Variants in GALNT2 observed in about 807,000 individuals in gnomAD.
The protein encoded by GALNT2 is UDP-GalNAc:polypeptide N-acetylgalactosaminyltransferase 2.
Under a neutral mutation model 81.4 loss-of-function variants are expected in GALNT2, and 31 were observed. That is an observed-to-expected ratio of 0.38 (90% CI 0.29 to 0.51). GALNT2 has a LOEUF of 0.51. GALNT2 is among the 20% of genes least tolerant of loss of function. The pLI is 0.87. For synonymous variants in GALNT2, 303 were observed against 287.4 expected, an observed-to-expected ratio of 1.05 and a Z score of -0.55; for missense variants, 629 against 765.7, an observed-to-expected ratio of 0.82 and a Z score of 2.11.
At chr1:230,223,217 G>T (rs1664604684) in intron 3 of GALNT2, among the ~76,000 whole-genome samples, 1 of 147,566 alleles carries the variant, frequency 6.8e-6, no homozygotes, top group Non-Finnish European at 1.5e-5. Context: ...AATAGAGATG[G>T]GCTCTCACTG....
At chr1:230,064,529 T>G (rs200575115), upstream of GALNT2, among the ~76,000 whole-genome samples, 4 of 152,252 alleles carry the variant, frequency 2.6e-5, no homozygotes, top group East Asian at 3.9e-4. Flanking sequence ...TGGTACTTTT[T>G]TGTGTGTGTG....
intron 1 of GALNT2, among the ~76,000 whole-genome samples, chr1:230,130,095 G>A (rs187295961): frequency 6.6e-6 from 1 of 152,342 alleles, no homozygotes. Flanking sequence ...GAAGCTTTGA[G>A]TGAGCTGATG....
intron 3 of GALNT2, among the ~76,000 whole-genome samples, chr1:230,231,431 A>G (rs930743214): frequency 6.6e-6 from 1 of 152,188 alleles, no homozygotes; most frequent in Non-Finnish European, 1.5e-5. Flanking sequence ...CCCAGGGTAG[A>G]GAAGGAAACC....
At chr1:230,064,340 A>G (rs1659115279), upstream of GALNT2, among the ~76,000 whole-genome samples, 1 of 152,202 alleles carries the variant, frequency 6.6e-6, no homozygotes, top group Non-Finnish European at 1.5e-5. Flanking sequence ...AATATACAAA[A>G]TGCTCTCCAT....
rs1264024753 is a variant in GALNT2 at position 230,193,972 on chromosome 1, C to T, written c.221-9165C>T. ...CATGGACCGTTACAGTCGCCAGCCA[C>T]TCTCTGCTCAAGGGACACTGTCCTG... On this transcript the variant is annotated intron_variant, in intron 2 of 15. Transcript: ENST00000366672. The surrounding 1 kb of genome is among the most constrained non-coding windows in gnomAD (Gnocchi z 4.3). 6.6e-6 allele frequency among the ~76,000 whole-genome samples: 1 copy of T among 152,220 alleles called. No homozygotes were observed. Among genetic ancestry groups the T allele is most frequent in the Non-Finnish European group, 1.5e-5 (1 of 68,032 alleles).
chr1:230,086,876 C>G (rs540171878), intron 1 of GALNT2, among the ~76,000 whole-genome samples: 5 of 152,312 alleles, frequency 3.3e-5, no homozygotes, highest in African/African-American at 1.2e-4. Flanking sequence ...GCTCAGGTGT[C>G]AGCCCTGCCA....
At chr1:230,133,224 A>G (rs1407189468) in intron 1 of GALNT2, among the ~76,000 whole-genome samples, 2 of 152,262 alleles carry the variant, frequency 1.3e-5, no homozygotes, top group South Asian at 2.1e-4. Flanking sequence ...ATTCTTTACT[A>G]TGTCCTTGGA....
chr1:230,165,798 C>T (rs150650714), intron 1 of GALNT2, among the ~76,000 whole-genome samples: 12 of 152,366 alleles, frequency 7.9e-5, no homozygotes, highest in South Asian at 6.2e-4. Context: ...GGGAGGCCCT[C>T]GGAGTAGCCA....
rs1665741036 is a variant in GALNT2 at position 230,257,230 on chromosome 1, C to T, written c.1136+1886C>T. 6.6e-6 allele frequency among the ~76,000 whole-genome samples: 1 copy of T among 152,178 alleles called. No homozygotes were observed. Among genetic ancestry groups the T allele is most frequent in the Admixed American group, 6.5e-5 (1 of 15,282 alleles). ...TGTCTGTTTTATGCTTTGGAAAGGT[C>T]CGTATGGTTGCTGGGCAGAGGGTGG... On this transcript the variant is annotated intron_variant, in intron 11 of 15. Coordinates refer to ENST00000366672, the MANE Select transcript of GALNT2 (RefSeq NM_004481.5). The surrounding 1 kb of genome is among the most constrained non-coding windows in gnomAD (Gnocchi z 4.6).
At position 230,257,165 on chromosome 1, in the gene GALNT2, A is replaced by AT. The variant is rs1341518337; in HGVS notation, c.1136+1823dup. On this transcript the variant is annotated intron_variant, in intron 11 of 15. Transcript: ENST00000366672. The surrounding 1 kb of genome is among the most constrained non-coding windows in gnomAD (Gnocchi z 4.6). ...CATGGGAAACGTTGGATGTTATTTG[A>AT]TTCTGAAGGAAAACACTGGGGCTTT... is the stretch of plus-strand genomic sequence containing the variant. Among the ~76,000 whole-genome samples, 1 of 152,238 alleles carries AT rather than the reference A, an allele frequency of 6.6e-6. No individual in the cohort carries two copies. The highest frequency in any genetic ancestry group is 1.5e-5 in the Non-Finnish European group (1 of 68,042).
intron 1 of GALNT2, among the ~76,000 whole-genome samples, chr1:230,142,125 C>G (rs1404467333): frequency 2.0e-5 from 3 of 151,978 alleles, no homozygotes; most frequent in Non-Finnish European, 4.4e-5. Context: ...TAATAAAAGG[C>G]TGGGCTGCAT....
At chr1:230,062,152 T>A (rs1659064728) in intron 1 of GALNT2, among the ~76,000 whole-genome samples, 1 of 152,222 alleles carries the variant, frequency 6.6e-6, no homozygotes. Context: ...ACAACTCTAT[T>A]AAGAGCAAAG....
At chr1:230,261,715 C>T (rs1665880870) in intron 11 of GALNT2, among the ~76,000 whole-genome samples, 2 of 152,164 alleles carry the variant, frequency 1.3e-5, no homozygotes. Context: ...GTTTTCTTTC[C>T]TTCTAGAAAA....
At chr1:230,118,525 CTT>C (rs1571982529) in intron 1 of GALNT2, among the ~76,000 whole-genome samples, 1 of 152,358 alleles carries the variant, frequency 6.6e-6, no homozygotes, top group East Asian at 1.9e-4. Flanking sequence ...AGGCCCCTCT[CTT>C]TTATAGTCCC....
intron 3 of GALNT2, among the ~76,000 whole-genome samples, chr1:230,216,687 C>G (rs1373742813): frequency 2.6e-5 from 4 of 152,200 alleles, no homozygotes; most frequent in Non-Finnish European, 4.4e-5. Context: ...CTTTACCTCC[C>G]AAAGTGCTGG....
chr1:230,278,258 C>T (rs1666349751), intron 15 of GALNT2, among the ~76,000 whole-genome samples: 1 of 151,764 alleles, frequency 6.6e-6, no homozygotes, highest in African/African-American at 2.4e-5. Context: ...GCTAGGACAA[C>T]AGGCATGCAC....
intron 1 of GALNT2, among the ~76,000 whole-genome samples, chr1:230,167,785 C>T (rs1287604561): frequency 6.6e-6 from 1 of 152,174 alleles, no homozygotes; most frequent in Non-Finnish European, 1.5e-5. Context: ...CTCCTGCTGG[C>T]CTCCCTGCGG....
chr1:230,083,428 A>G (rs1314610287), intron 1 of GALNT2, among the ~76,000 whole-genome samples: 1 of 144,352 alleles, frequency 6.9e-6, no homozygotes, highest in Admixed American at 6.9e-5. Context: ...GCGGGGAGCC[A>G]AGATGATGGA....
At chr1:230,058,473 C>G (rs72758252) in intron 1 of GALNT2, among the ~76,000 whole-genome samples, 1 of 152,188 alleles carries the variant, frequency 6.6e-6, no homozygotes, top group Non-Finnish European at 1.5e-5. Flanking sequence ...TTTCCCCCAC[C>G]GGCAAGTGTG....
Sources: gnomAD v4.1 joint callset for allele counts (sites outside exome capture counted in the v4.1 genomes callset) on GRCh38, gnomAD v4.1.1 for gene constraint, Gnocchi (gnomAD v3.1) non-coding constraint, MANE v1.5 for transcripts, NCBI Gene and HGNC (gene_info 2026-07-23, HGNC 2026-07-21) for gene names.